RASEF: variants seen among roughly 807,000 people sequenced by gnomAD.
RASEF encodes ras and EF-hand domain-containing protein.
RASEF carries 68 observed loss-of-function variants against 90.1 expected under a neutral mutation model. The observed-to-expected ratio is 0.75, with a 90% CI of 0.62 to 0.92. RASEF has a LOEUF of 0.92. Among genes scored for constraint, RASEF ranks in the 40% least tolerant of loss-of-function variants. RASEF has a pLI of 0.00. For missense variants in RASEF, 949 were observed against 937.2 expected (o/e 1.01, Z -0.16); for synonymous variants, 331 against 345.2 (o/e 0.96, Z 0.46).
chr9:83,190,826 G>C, the RASEF span, among the ~76,000 whole-genome samples: 25 of 152,082 alleles, frequency 1.6e-4, no homozygotes, highest in Non-Finnish European at 3.1e-4. Flanking sequence ...CCTGGTTTTG[G>C]AAAAAAAGAC....
the RASEF span, among the ~76,000 whole-genome samples, chr9:83,214,287 G>A: frequency 6.6e-6 from 1 of 152,116 alleles, no homozygotes; most frequent in African/African-American, 2.4e-5. Flanking sequence ...AAGAGACTGA[G>A]GCATGAGAAT....
intron 6 of RASEF, 34 bp from the exon 7 acceptor site, chr9:83,007,539 T>C: frequency 6.6e-7 from 1 of 1,522,340 alleles, no homozygotes; most frequent in African/African-American, 1.4e-5. Flanking sequence ...GAGTGAGAAT[T>C]AGGTGTCAAG....
rs571501164 is a variant in RASEF, at chr9:83,028,971, G to A, written c.432-3050C>T. Among the ~76,000 whole-genome samples the A allele has an allele frequency of 5.5e-4, 83 of 152,228 alleles. 1 individual carries two copies. The South Asian group carries it at 0.016, about 29-fold the overall frequency. On this transcript the variant is annotated intron_variant, in intron 1 of 16. Coordinates refer to ENST00000376447, the MANE Select transcript of RASEF (RefSeq NM_152573.4). ...GAAAAGACAGCCATCTGCAAGTCAA[G>A]GAGACAGGCCCCAGAAGAAACCAAC...
chr9:83,190,418 C>A, the RASEF span, among the ~76,000 whole-genome samples: 1 of 152,146 alleles, frequency 6.6e-6, no homozygotes, highest in East Asian at 1.9e-4. Context: ...GCATTTGTAA[C>A]ACACACAGAG....
chr9:83,157,191 G>A, the RASEF span, among the ~76,000 whole-genome samples: 1 of 152,198 alleles, frequency 6.6e-6, no homozygotes, highest in Admixed American at 6.5e-5. Context: ...TGTGGGAAAC[G>A]TAAGTGATAG....
chr9:83,071,409 G>GT, the RASEF span, among the ~76,000 whole-genome samples: 3 of 151,946 alleles, frequency 2.0e-5, no homozygotes, highest in South Asian at 4.2e-4. Context: ...TTCTGTTTCT[G>GT]TTTTTTTGTT....
chr9:83,062,350 C>G (rs929958041), intron 1 of RASEF, 87 bp downstream of exon 1: 83 of 1,227,680 alleles, frequency 6.8e-5, no homozygotes, highest in Non-Finnish European at 6.9e-5. Flanking sequence ...GGGGGGGGGG[C>G]CATTGGGTCT....
At chr9:83,116,773 A>C in the RASEF span, among the ~76,000 whole-genome samples, 3 of 152,150 alleles carry the variant, frequency 2.0e-5, no homozygotes, top group East Asian at 5.8e-4. Flanking sequence ...TAACTCAAAC[A>C]TGGCTTCAAA....
chr9:83,037,594 G>A (rs2118625153), intron 1 of RASEF, among the ~76,000 whole-genome samples: 1 of 152,058 alleles, frequency 6.6e-6, no homozygotes, highest in East Asian at 1.9e-4. Context: ...CTGAAATGTT[G>A]TCAAAATTTC....
chr9:83,208,245 G>A, the RASEF span, among the ~76,000 whole-genome samples: 1 of 152,160 alleles, frequency 6.6e-6, no homozygotes, highest in East Asian at 1.9e-4. Context: ...TCCCAGGGGC[G>A]TGTCTCCAGG....
At chr9:83,024,152 G>A (rs1015287301) in intron 2 of RASEF, among the ~76,000 whole-genome samples, 4 of 152,192 alleles carry the variant, frequency 2.6e-5, no homozygotes, top group Admixed American at 1.3e-4. Context: ...GAGGTCTTTG[G>A]TAGCTAAGAA....
chr9:83,141,635 C>T, the RASEF span, among the ~76,000 whole-genome samples: 2 of 152,204 alleles, frequency 1.3e-5, no homozygotes, highest in Non-Finnish European at 2.9e-5. Flanking sequence ...CAGGCTCCTC[C>T]AGCTCGGTAC....
intron 9 of RASEF, among the ~76,000 whole-genome samples, chr9:83,002,077 A>C (rs1330853326): frequency 1.3e-5 from 2 of 152,178 alleles, no homozygotes; most frequent in Non-Finnish European, 2.9e-5. Flanking sequence ...TTTCCATAAG[A>C]ATCTAAGTTT....
chr9:83,113,361 A>G, the RASEF span, among the ~76,000 whole-genome samples: 1 of 152,312 alleles, frequency 6.6e-6, no homozygotes, highest in East Asian at 1.9e-4. Context: ...TCACCTCAGG[A>G]CCACTATTGC....
chr9:83,060,584 C>T (rs997243215), intron 1 of RASEF, among the ~76,000 whole-genome samples: 4 of 151,998 alleles, frequency 2.6e-5, no homozygotes, highest in Admixed American at 6.6e-5. Context: ...GAAATAATGC[C>T]GACAGCATTA....
the RASEF span, among the ~76,000 whole-genome samples, chr9:83,111,922 T>C: frequency 6.6e-6 from 1 of 151,974 alleles, no homozygotes; most frequent in Non-Finnish European, 1.5e-5. Flanking sequence ...ATAGCTGTAA[T>C]AGAGGCTAAT....
chr9:83,145,891 A>C, the RASEF span, among the ~76,000 whole-genome samples: 1 of 152,122 alleles, frequency 6.6e-6, no homozygotes, highest in African/African-American at 2.4e-5. Flanking sequence ...TCCATTAAGT[A>C]ATATCAAACA....
At chr9:83,120,958 T>C in the RASEF span, among the ~76,000 whole-genome samples, 3 of 152,198 alleles carry the variant, frequency 2.0e-5, no homozygotes, top group African/African-American at 7.2e-5. Flanking sequence ...AGCTCTCAGG[T>C]TTTGTTACCA....
chr9:83,062,353 T>G, intron 1 of RASEF, 84 bp downstream of exon 1: 5 of 1,328,222 alleles, frequency 3.8e-6, no homozygotes, highest in Non-Finnish European at 5.3e-6. Flanking sequence ...GGGGGGGCCA[T>G]TGGGTCTGCA....
Sources: allele counts gnomAD v4.1 joint callset (sites outside exome capture counted in the v4.1 genomes callset), GRCh38; gene constraint gnomAD v4.1.1; transcripts MANE v1.5; gene names NCBI Gene and HGNC (gene_info 2026-07-23, HGNC 2026-07-21).